Variants in SEMA3E observed in about 807,000 individuals in gnomAD.
SEMA3E encodes semaphorin 3E, also known as semaphorin-3E.
A neutral mutation model predicts 93.6 loss-of-function variants in SEMA3E; 49 were observed. That is an observed-to-expected ratio of 0.52 (90% CI 0.42 to 0.66). The LOEUF is 0.66. Ranked by LOEUF, SEMA3E falls within the 30% of genes least tolerant of loss-of-function variation. The pLI is 0.00. For missense variants in SEMA3E, 906 were observed against 964.8 expected, an observed-to-expected ratio of 0.94 and a Z score of 0.81; for synonymous variants, 363 against 330.7, an observed-to-expected ratio of 1.10 and a Z score of -1.06.
chr7:83,532,383 G>A (rs548262611), intron 1 of SEMA3E, among the ~76,000 whole-genome samples: 1 of 152,200 alleles, frequency 6.6e-6, no homozygotes, highest in South Asian at 2.1e-4. Context: ...AAGTGATGAG[G>A]ACACACACCA....
intron 1 of SEMA3E, among the ~76,000 whole-genome samples, chr7:83,505,957 A>G (rs1790695274): frequency 6.7e-6 from 1 of 148,794 alleles, no homozygotes; most frequent in Non-Finnish European, 1.5e-5. Flanking sequence ...GGAGCTTGCA[A>G]TGAGCTGAGA....
intron 4 of SEMA3E, among the ~76,000 whole-genome samples, chr7:83,419,246 G>C (rs990490247): frequency 1.3e-5 from 2 of 152,114 alleles, no homozygotes; most frequent in Non-Finnish European, 2.9e-5. Context: ...TTTTATGGCT[G>C]TGTAGTATTC....
intron 2 of SEMA3E, among the ~76,000 whole-genome samples, chr7:83,477,044 T>A (rs7798974): frequency 0.028 from 4,223 of 152,268 alleles, 213 homozygotes; most frequent in African/African-American, 0.097. Context: ...CTGAGTCACA[T>A]AATTATACCA....
chr7:83,386,517 G>C (rs999802446), intron 15 of SEMA3E, among the ~76,000 whole-genome samples: 6 of 151,958 alleles, frequency 3.9e-5, no homozygotes, highest in African/African-American at 1.2e-4. Flanking sequence ...ACCAACCCCA[G>C]CCCTAAGCTT....
chr7:83,396,354 A>G lies in SEMA3E; in HGVS notation c.1458+284T>C, dbSNP rs537968354. On this transcript the variant is annotated intron_variant, in intron 12 of 16. Transcript: ENST00000643230. ...TAGTACATTTACAAGATGTGACTGTAATACTGGCTCTGAAAATTATATGTA... is the reference window on the plus strand; with the variant it reads ...TAGTACATTTACAAGATGTGACTGTGATACTGGCTCTGAAAATTATATGTA... 3.3e-5 allele frequency among the ~76,000 whole-genome samples: 5 copies of G among 152,200 alleles called. No homozygotes were observed. The South Asian group carries it at 6.2e-4, about 19-fold the overall frequency.
intron 1 of SEMA3E, among the ~76,000 whole-genome samples, chr7:83,521,682 G>C (rs538054702): frequency 6.6e-6 from 1 of 152,156 alleles, no homozygotes; most frequent in South Asian, 2.1e-4. Flanking sequence ...TTCCCGGCTT[G>C]AATATGGCTG....
intron 1 of SEMA3E, among the ~76,000 whole-genome samples, chr7:83,521,305 C>T (rs1791044353): frequency 6.6e-6 from 1 of 152,042 alleles, no homozygotes; most frequent in Non-Finnish European, 1.5e-5. Flanking sequence ...CCTGGAAAGT[C>T]ATGACAGCAA....
Position 83,402,634 on chromosome 7 carries a change from A to G in SEMA3E, c.1141T>C (p.Ser381Pro), listed in dbSNP as rs1381996582. Reference sequence around the variant, plus strand: ...ATTTGTTATATAACTAAACTTACAGAACCAGGCCTTGGATAAGGGACTTTT... The same window carrying G: ...ATTTGTTATATAACTAAACTTACAGGACCAGGCCTTGGATAAGGGACTTTT... ...EGKVPYPRPG[S>P]CASKVNGGRY... Residue 381 changes from serine to proline, a missense_variant and splice_region_variant, in exon 10 of 17, where the codon TCT (serine) becomes CCT (proline). Ser to Pro is a moderately conservative substitution (Grantham distance 74, BLOSUM62 -1). Coordinates refer to ENST00000643230, the MANE Select transcript of SEMA3E (RefSeq NM_012431.3). 2 of 1,611,972 alleles carry G rather than the reference A, an allele frequency of 1.2e-6. No homozygotes were observed. Among genetic ancestry groups the G allele is most frequent in the Non-Finnish European group, 1.7e-6 (2 of 1,178,446 alleles).
At chr7:83,529,365 A>G (rs1388332246) in intron 1 of SEMA3E, among the ~76,000 whole-genome samples, 1 of 152,126 alleles carries the variant, frequency 6.6e-6, no homozygotes, top group African/African-American at 2.4e-5. Flanking sequence ...ACCAAGGTAT[A>G]GAGGAGTTAA....
intron 1 of SEMA3E, among the ~76,000 whole-genome samples, chr7:83,525,392 T>G (rs1791135110): frequency 6.6e-6 from 1 of 152,130 alleles, no homozygotes; most frequent in Non-Finnish European, 1.5e-5. Context: ...TCTCTCAATC[T>G]AAAAATACAT....
At chr7:83,587,018 A>T (rs1209939643) in intron 1 of SEMA3E, among the ~76,000 whole-genome samples, 1 of 152,168 alleles carries the variant, frequency 6.6e-6, no homozygotes, top group Non-Finnish European at 1.5e-5. Context: ...TAGAATAGAT[A>T]TATATCTGAG....
At chr7:83,554,880 G>A (rs1791852280) in intron 1 of SEMA3E, among the ~76,000 whole-genome samples, 1 of 152,078 alleles carries the variant, frequency 6.6e-6, no homozygotes, top group Non-Finnish European at 1.5e-5. Flanking sequence ...GGGAGGTAGA[G>A]GCAGGAGAAT....
At chr7:83,614,954 T>C (rs1793333815) in intron 1 of SEMA3E, among the ~76,000 whole-genome samples, 1 of 152,070 alleles carries the variant, frequency 6.6e-6, no homozygotes, top group Non-Finnish European at 1.5e-5. Flanking sequence ...TTAAATAACA[T>C]CCTATCCATT....
intron 16 of SEMA3E, among the ~76,000 whole-genome samples, chr7:83,374,088 C>G (rs1166330103): frequency 6.6e-6 from 1 of 151,552 alleles, no homozygotes; most frequent in African/African-American, 2.4e-5. Context: ...TGGGTGTAAA[C>G]CCAGCTACTC....
intron 1 of SEMA3E, among the ~76,000 whole-genome samples, chr7:83,582,368 A>G (rs1482404287): frequency 6.6e-6 from 1 of 151,998 alleles, no homozygotes; most frequent in Admixed American, 6.6e-5. Context: ...CCATACTCCT[A>G]ATAAACAATG....
intron 2 of SEMA3E, among the ~76,000 whole-genome samples, chr7:83,487,715 G>GTGTGTGTA (rs756919049): frequency 7.1e-5 from 10 of 141,728 alleles, no homozygotes; most frequent in Non-Finnish European, 1.2e-4. Flanking sequence ...GTGTGTGTGT[G>GTGTGTGTA]TATTTTATAT....
intron 4 of SEMA3E, among the ~76,000 whole-genome samples, chr7:83,458,140 A>G (rs1212404964): frequency 6.6e-6 from 1 of 151,568 alleles, no homozygotes; most frequent in African/African-American, 2.4e-5. Context: ...TGGAATTTGA[A>G]ATAATATTCA....
chr7:83,646,806 T>A (rs143415505), intron 1 of SEMA3E, among the ~76,000 whole-genome samples: 1 of 152,052 alleles, frequency 6.6e-6, no homozygotes, highest in Non-Finnish European at 1.5e-5. Flanking sequence ...AATATTAAAA[T>A]GTGACCTGTT....
At chr7:83,556,473 T>G (rs1212765936) in intron 1 of SEMA3E, among the ~76,000 whole-genome samples, 1 of 152,138 alleles carries the variant, frequency 6.6e-6, no homozygotes, top group East Asian at 1.9e-4. Flanking sequence ...ATCATGTATG[T>G]TACATTTCGT....
Sources: allele counts gnomAD v4.1 joint callset (sites outside exome capture counted in the v4.1 genomes callset), GRCh38; gene constraint gnomAD v4.1.1; transcripts MANE v1.5; gene names NCBI Gene and HGNC (gene_info 2026-07-23, HGNC 2026-07-21).